The following SAP30L variants were observed in gnomAD, a reference collection of about 807,000 sequenced individuals.
SAP30L encodes SAP30 like, also known as histone deacetylase complex subunit SAP30L.
Under a neutral mutation model 22.3 loss-of-function variants are expected in SAP30L, and 10 were observed. That is an observed-to-expected ratio of 0.45 (90% CI 0.28 to 0.76). SAP30L has a LOEUF of 0.76. Among genes scored for constraint, SAP30L ranks in the 30% least tolerant of loss-of-function variants. SAP30L has a pLI of 0.14. For missense variants in SAP30L, 206 were observed against 237.9 expected (o/e 0.87, Z 0.88); for synonymous variants, 91 against 94.1 (o/e 0.97, Z 0.19).
chr5:154,455,230 T>A (rs1481530901), intron 3 of SAP30L, among the ~76,000 whole-genome samples: 1 of 152,038 alleles, frequency 6.6e-6, no homozygotes, highest in Non-Finnish European at 1.5e-5. Context: ...ACCCAATTTT[T>A]ATTTGTTTTT....
chr5:154,454,756 T>G (rs1757228609), intron 3 of SAP30L, among the ~76,000 whole-genome samples: 1 of 152,202 alleles, frequency 6.6e-6, no homozygotes, highest in Non-Finnish European at 1.5e-5. Context: ...AGAGGAGACC[T>G]GCATTCTCAT....
intron 1 of SAP30L, among the ~76,000 whole-genome samples, chr5:154,449,714 G>T (rs1270784843): frequency 6.6e-6 from 1 of 152,196 alleles, no homozygotes; most frequent in African/African-American, 2.4e-5. Flanking sequence ...TGGGACAGTG[G>T]CATGTGCTGT....
Position 154,446,214 on chromosome 5 carries a change from G to C in SAP30L, c.-391G>C, listed in dbSNP as rs1756994735. On this transcript the variant is annotated 5_prime_UTR_variant, in exon 1 of 4. Transcript: ENST00000297109. Reference sequence around the variant, plus strand: ...CCGCTGCCGAAAGAAGGCGGGAGCCGGCAGGGGCCTTCGAAACCCCCTGGC... The same window carrying C: ...CCGCTGCCGAAAGAAGGCGGGAGCCCGCAGGGGCCTTCGAAACCCCCTGGC... 1 of 169,604 alleles carries C rather than the reference G, an allele frequency of 5.9e-6. No individual in the cohort carries two copies. The highest frequency in any genetic ancestry group is 1.3e-5 in the Non-Finnish European group (1 of 79,974). The allele number at this position is 169,604 out of a possible 1,614,324, so 10.5% of individuals were successfully genotyped here.
chr5:154,455,755 G>C, intron 3 of SAP30L, 145 bp from the exon 4 acceptor site: 1 of 1,059,766 alleles, frequency 9.4e-7, no homozygotes, highest in Non-Finnish European at 1.3e-6. Context: ...GGCACTCTGA[G>C]TTCCGCACAT....
At chr5:154,453,124 G>A (rs1034433396) in intron 2 of SAP30L, 7 of 312,820 alleles carry the variant, frequency 2.2e-5, no homozygotes, top group East Asian at 1.1e-4. Flanking sequence ...ATTCCCTACC[G>A]TTTCTCAGTG....
At chr5:154,453,913 A>G (rs546167345) in intron 3 of SAP30L, among the ~76,000 whole-genome samples, 12 of 152,138 alleles carry the variant, frequency 7.9e-5, no homozygotes, top group Non-Finnish European at 2.9e-5. Flanking sequence ...TGCAGCCCCA[A>G]CCTCCCAGCT....
intron 1 of SAP30L, among the ~76,000 whole-genome samples, chr5:154,447,353 G>C (rs531743726): frequency 1.3e-5 from 2 of 152,228 alleles, no homozygotes; most frequent in African/African-American, 4.8e-5. Flanking sequence ...GCCAGGTCTT[G>C]AGAAATGGCT....
intron 1 of SAP30L, among the ~76,000 whole-genome samples, chr5:154,447,969 C>CTTTTTTTTTTTTTTTTTTTTTTTT (rs140213326): frequency 1.7e-4 from 15 of 88,350 alleles, no homozygotes; most frequent in East Asian, 3.3e-4. Flanking sequence ...TTTTCTTTTT[C>CTTTTTTTTTTTTTTTTTTTTTTTT]TTTTTTTTTT....
chr5:154,453,292 G>A (rs1321967491), intron 2 of SAP30L, 110 bp from the exon 3 acceptor site: 4 of 728,020 alleles, frequency 5.5e-6, no homozygotes, highest in African/African-American at 5.3e-5. Flanking sequence ...CTCTTTTGAA[G>A]CCCTCCCCAT....
intron 1 of SAP30L, among the ~76,000 whole-genome samples, chr5:154,447,354 A>G (rs7734090): frequency 0.83 from 127,002 of 152,258 alleles, 53,518 homozygotes; most frequent in African/African-American, 0.94. Context: ...CCAGGTCTTG[A>G]GAAATGGCTC....
intron 1 of SAP30L, among the ~76,000 whole-genome samples, chr5:154,450,708 C>T (rs1005455784): frequency 9.9e-5 from 15 of 152,200 alleles, no homozygotes; most frequent in Admixed American, 6.5e-5. Flanking sequence ...CTCTTTCTGT[C>T]ATCCTCCATT....
chr5:154,456,136 T>G lies in SAP30L; in HGVS notation c.*108T>G. On this transcript the variant is annotated 3_prime_UTR_variant, in exon 4 of 4. Coordinates refer to ENST00000297109, the MANE Select transcript of SAP30L (RefSeq NM_024632.6). ...TAAATATTATTGTAAATAAAAAAGT[T>G]TGAATGATGAATACTGTAAATCTTT... 8.5e-7 allele frequency: 1 copy of G among 1,182,868 alleles called. No homozygotes were observed. The highest frequency in any genetic ancestry group is 1.9e-5 in the South Asian group (1 of 53,458). 73.3% of individuals were successfully genotyped at this position (1,182,868 alleles called of 1,614,324 possible).
At position 154,446,416 on chromosome 5, in the gene SAP30L, T is replaced by C. The variant is rs866976406; in HGVS notation, c.-189T>C. On this transcript the variant is annotated 5_prime_UTR_variant, in exon 1 of 4. Coordinates refer to ENST00000297109, the MANE Select transcript of SAP30L (RefSeq NM_024632.6). ...GCCTCGAGCCGGGAGGAAGGGGGCT[T>C]CCGGAGGCGGAGGGCCGGGGGCCGA... The C allele has an allele frequency of 1.8e-4, 79 of 442,176 alleles. No homozygotes were observed. The highest frequency in any genetic ancestry group is 1.6e-3 in the African/African-American group (77 of 48,756). The allele number at this position is 442,176 out of a possible 1,614,324, so 27.4% of individuals were successfully genotyped here.
At position 154,446,628 on chromosome 5, in the gene SAP30L, G is replaced by A. The variant is rs1447888973; in HGVS notation, c.24G>A (p.Glu8=). 3 of 1,524,960 alleles carry A rather than the reference G, an allele frequency of 2.0e-6. No homozygotes were observed. Among genetic ancestry groups the A allele is most frequent in the Non-Finnish European group, 2.6e-6 (3 of 1,139,216 alleles). 94.5% of individuals were successfully genotyped at this position (1,524,960 alleles called of 1,614,324 possible). A position where few individuals can be genotyped will look rare whatever the true frequency, so the allele number is the denominator to read the frequency against. The change falls in exon 1 of 4, where the codon GAG becomes GAA. Residue 8 remains glutamate, a synonymous_variant. Coordinates refer to ENST00000297109, the MANE Select transcript of SAP30L (RefSeq NM_024632.6). MNGFSTE[E]DSREGPPAAP... ...AGATGAACGGCTTCAGCACGGAGGA[G>A]GACAGCCGCGAAGGGCCCCCCGCCG...
intron 1 of SAP30L, among the ~76,000 whole-genome samples, chr5:154,448,250 A>AATCC (rs1352566385): frequency 1.3e-5 from 2 of 152,182 alleles, no homozygotes; most frequent in African/African-American, 2.4e-5. Flanking sequence ...TTCTGGGATT[A>AATCC]CAGGCGTGAG....
chr5:154,454,320 A>C (rs1323978346), intron 3 of SAP30L, among the ~76,000 whole-genome samples: 1 of 152,136 alleles, frequency 6.6e-6, no homozygotes, highest in Non-Finnish European at 1.5e-5. Context: ...GAAATGCTCC[A>C]CTGGCCATTT....
rs933093132 is a variant in SAP30L at position 154,448,268 on chromosome 5, G to A, written c.201+1463G>A. ...TGGGATTACAGGCGTGAGCCACTGCGCCCAGCCCCTGTCCTTTCTTCAGAC... is the reference window on the plus strand; with the variant it reads ...TGGGATTACAGGCGTGAGCCACTGCACCCAGCCCCTGTCCTTTCTTCAGAC... On this transcript the variant is annotated intron_variant, in intron 1 of 3. Transcript: ENST00000297109. Among the ~76,000 whole-genome samples the A allele has an allele frequency of 4.6e-5, 7 of 152,114 alleles. No individual in the cohort carries two copies. In the South Asian group the frequency reaches 1.2e-3, roughly 27 times the overall value.
chr5:154,455,851 T>G, intron 3 of SAP30L, 49 bp from the exon 4 acceptor site: 1 of 1,561,056 alleles, frequency 6.4e-7, no homozygotes, highest in Non-Finnish European at 8.6e-7. Context: ...GAATTTGCGG[T>G]GTGATTTGTG....
rs1316207703 is a variant in SAP30L, at chr5:154,457,213, CTAATTA to C, written c.*1188_*1193del. 2 of 152,212 alleles carry C rather than the reference CTAATTA, an allele frequency of 1.3e-5. No individual in the cohort carries two copies. Among genetic ancestry groups the C allele is most frequent in the African/African-American group, 4.8e-5 (2 of 41,452 alleles). The allele number at this position is 152,212 out of a possible 1,614,324, so 9.4% of individuals were successfully genotyped here. A position where few individuals can be genotyped will look rare whatever the true frequency, so the allele number is the denominator to read the frequency against. On this transcript the variant is annotated 3_prime_UTR_variant, in exon 4 of 4. Coordinates refer to ENST00000297109, the MANE Select transcript of SAP30L (RefSeq NM_024632.6). The stretch of plus-strand genomic sequence containing the variant: ...TGTTCAAAACGTTGAACTCCTCAAT[CTAATTA>C]TATCAGAGCCAAAGTATCCTGTGAA...
Sources: allele counts gnomAD v4.1 joint callset (sites outside exome capture counted in the v4.1 genomes callset), GRCh38; gene constraint gnomAD v4.1.1; transcripts MANE v1.5; gene names NCBI Gene and HGNC (gene_info 2026-07-23, HGNC 2026-07-21).